The following ACSF2 variants were observed in gnomAD, a reference collection of about 807,000 sequenced individuals.
ACSF2 encodes acyl-CoA synthetase family member 2, also known as medium-chain acyl-CoA ligase ACSF2, mitochondrial.
In ACSF2, 52 loss-of-function variants were observed where a neutral mutation model predicts 79.3. That is an observed-to-expected ratio of 0.66 (90% CI 0.53 to 0.83). The LOEUF (loss-of-function observed/expected upper bound fraction) is 0.83. Ranked by LOEUF, ACSF2 falls within the 40% of genes least tolerant of loss-of-function variation. The pLI, the probability that ACSF2 is intolerant of heterozygous loss-of-function variation, is 0.00. For missense variants in ACSF2, 661 were observed against 803.3 expected (o/e 0.82, Z 2.14); for synonymous variants, 283 against 312.6 (o/e 0.91, Z 1.00).
At chr17:50,433,117 T>C (rs949829301) in intron 1 of ACSF2, among the ~76,000 whole-genome samples, 10 of 150,442 alleles carry the variant, frequency 6.6e-5, no homozygotes, top group Non-Finnish European at 1.5e-4. Context: ...TTTTCTTTTT[T>C]TTTTTTTTGA....
At chr17:50,464,108 C>G (rs1050755404) in intron 9 of ACSF2, 110 bp from the exon 10 acceptor site, 1 of 1,348,698 alleles carries the variant, frequency 7.4e-7, no homozygotes, top group Non-Finnish European at 1.1e-6. Context: ...AGGAAAGGCT[C>G]GGGGTCAGAG....
In ACSF2 at chr17:50,431,510, A is replaced by G. The variant is rs150628148; in HGVS notation, c.128+5121A>G. Among the ~76,000 whole-genome samples, 85 of 152,298 alleles carry G rather than the reference A, an allele frequency of 5.6e-4. 1 individual carries two copies. Among genetic ancestry groups the G allele is most frequent in the African/African-American group, 2.0e-3 (83 of 41,566 alleles). On this transcript the variant is annotated intron_variant, in intron 1 of 15. Transcript: ENST00000300441. Reference sequence around the variant, plus strand: ...TAGGTCTGCAGTTTGAAGCCTTTGTACTTCCGTGAAATCTCACTTGTGCTT... The same window carrying G: ...TAGGTCTGCAGTTTGAAGCCTTTGTGCTTCCGTGAAATCTCACTTGTGCTT...
chr17:50,434,422 C>T (rs893251793), intron 1 of ACSF2, among the ~76,000 whole-genome samples: 4 of 151,548 alleles, frequency 2.6e-5, no homozygotes, highest in African/African-American at 7.3e-5. Flanking sequence ...TGCGGTGGCT[C>T]ATGCCTGCAA....
Position 50,426,946 on chromosome 17 carries a change from T to G in ACSF2, c.128+557T>G, listed in dbSNP as rs1033391097. 2.1e-5 allele frequency: 32 copies of G among 1,535,756 alleles called. No homozygotes were observed. In the Admixed American group the frequency reaches 4.3e-4, roughly 21 times the overall value. ...GAAGCTGGCAGGCAGAGGATTTCAG[T>G]TCCCAGTAGCTTCACTGCCTCTGCA... On this transcript the variant is annotated intron_variant, in intron 1 of 15. Transcript: ENST00000300441.
intron 1 of ACSF2, among the ~76,000 whole-genome samples, chr17:50,453,782 G>A (rs1412414772): frequency 2.0e-5 from 3 of 150,188 alleles, no homozygotes; most frequent in Admixed American, 2.0e-4. Context: ...TGTGTGTGCT[G>A]TTGTTGTTGT....
Position 50,460,840 on chromosome 17 carries a change from G to C in ACSF2, c.292G>C (p.Val98Leu), listed in dbSNP as rs777847636. The C allele has an allele frequency of 2.5e-6, 4 of 1,611,120 alleles. No homozygotes were observed. Among genetic ancestry groups the C allele is most frequent in the Non-Finnish European group, 2.5e-6 (3 of 1,178,488 alleles). Residue 98 changes from valine (V) to leucine (L), a missense_variant, in exon 2 of 16, where the codon GTC becomes CTC. Physicochemically the swap from Val to Leu is conservative, Grantham distance 32 (BLOSUM62 1). Coordinates refer to ENST00000300441, the MANE Select transcript of ACSF2 (RefSeq NM_025149.6). ...GGCCTTGGTCGTCCTCCATGAAGAC[G>C]TCAGGTTGACCTTTGCCCAACTCAA... is the stretch of plus-strand genomic sequence containing the variant. The part of the protein sequence containing the change: ...REALVVLHED[V>L]RLTFAQLKEE...
chr17:50,442,455 G>A (rs185693403), intron 1 of ACSF2, among the ~76,000 whole-genome samples: 5 of 150,388 alleles, frequency 3.3e-5, no homozygotes, highest in Admixed American at 2.0e-4. Flanking sequence ...GAGCCACTAC[G>A]CCTGGCCTTT....
rs564491351 is a variant in ACSF2, at chr17:50,435,012, C to T, written c.128+8623C>T. Among the ~76,000 whole-genome samples, 5 of 151,908 alleles carry T rather than the reference C, an allele frequency of 3.3e-5. No homozygotes were observed. The South Asian group carries it at 6.2e-4, about 19-fold the overall frequency. ...CAGCCTCCCAAGTAGCTGGGATTAC[C>T]CGCATGTGCCACCACGCCTGACTTA... On this transcript the variant is annotated intron_variant, in intron 1 of 15. Coordinates refer to ENST00000300441, the MANE Select transcript of ACSF2 (RefSeq NM_025149.6).
At chr17:50,435,057 A>G (rs1048645539) in intron 1 of ACSF2, among the ~76,000 whole-genome samples, 8 of 152,048 alleles carry the variant, frequency 5.3e-5, no homozygotes, top group Admixed American at 3.9e-4. Flanking sequence ...TTTAGTAGAG[A>G]TGGGATTTCT....
At chr17:50,432,422 C>A (rs1156432686) in intron 1 of ACSF2, among the ~76,000 whole-genome samples, 3 of 152,128 alleles carry the variant, frequency 2.0e-5, no homozygotes. Flanking sequence ...GTAACTGTGT[C>A]TGGGGAGTAG....
chr17:50,466,381 G>A (rs1166703264), intron 10 of ACSF2, among the ~76,000 whole-genome samples: 4 of 152,124 alleles, frequency 2.6e-5, no homozygotes, highest in African/African-American at 4.8e-5. Flanking sequence ...GAGCCACCAC[G>A]CCCAGCCAGG....
intron 1 of ACSF2, among the ~76,000 whole-genome samples, chr17:50,443,529 C>A (rs1256095491): frequency 6.6e-6 from 1 of 152,186 alleles, no homozygotes; most frequent in African/African-American, 2.4e-5. Context: ...CTTGAAGATT[C>A]TCTTTTGAGC....
intron 6 of ACSF2, 174 bp downstream of exon 6, chr17:50,462,759 T>A: frequency 1.3e-6 from 1 of 756,604 alleles, no homozygotes; most frequent in Non-Finnish European, 2.1e-6. Flanking sequence ...CTTGTCACAT[T>A]TCCTCCCCTA....
chr17:50,442,309 A>G, intron 1 of ACSF2, among the ~76,000 whole-genome samples: 1 of 139,070 alleles, frequency 7.2e-6, no homozygotes, highest in Non-Finnish European at 1.5e-5. Context: ...CCATCCCAAA[A>G]AAACAAAACA....
chr17:50,456,106 A>G (rs1283491383), intron 1 of ACSF2, among the ~76,000 whole-genome samples: 2 of 152,194 alleles, frequency 1.3e-5, no homozygotes, highest in Non-Finnish European at 2.9e-5. Flanking sequence ...TGAGCTGTGG[A>G]GTGCCCCGTC....
In ACSF2 at chr17:50,468,623, G is replaced by A. The variant is rs763513264; in HGVS notation, c.1216-2405G>A. 1.3e-5 allele frequency: 21 copies of A among 1,614,236 alleles called. No individual in the cohort carries two copies. In the South Asian group the frequency reaches 1.6e-4, roughly 13 times the overall value. ...CCGGAACGAATTGGCAGCCAGCACC[G>A]GGAAGTTGTTGCGCTGTAGGTTGAG... On this transcript the variant is annotated intron_variant, in intron 10 of 15. Transcript: ENST00000300441.
intron 1 of ACSF2, among the ~76,000 whole-genome samples, chr17:50,442,015 T>G (rs556433779): frequency 2.2e-4 from 34 of 151,736 alleles, no homozygotes; most frequent in African/African-American, 8.2e-4. Context: ...ATTAAAAACA[T>G]TTTTTTTGGC....
chr17:50,440,713 G>C (rs4794146), intron 1 of ACSF2, among the ~76,000 whole-genome samples: 37,030 of 152,218 alleles, frequency 0.24, 5,018 homozygotes, highest in Non-Finnish European at 0.31. Flanking sequence ...CGTGTTTTCT[G>C]TCCAGTTCCT....
At chr17:50,459,238 G>C (rs2032192637) in intron 1 of ACSF2, among the ~76,000 whole-genome samples, 1 of 152,000 alleles carries the variant, frequency 6.6e-6, no homozygotes, top group African/African-American at 2.4e-5. Flanking sequence ...GGTCCCACTG[G>C]GTTTTATTGG....
Sources: gnomAD v4.1 joint callset for allele counts (sites outside exome capture counted in the v4.1 genomes callset) on GRCh38, gnomAD v4.1.1 for gene constraint, MANE v1.5 for transcripts, NCBI Gene and HGNC (gene_info 2026-07-23, HGNC 2026-07-21) for gene names.